The following STARD13 variants were observed in gnomAD, a reference collection of about 807,000 sequenced individuals.
STARD13 encodes StAR related lipid transfer domain containing 13, also known as stAR-related lipid transfer protein 13.
A neutral mutation model predicts 106.4 loss-of-function variants in STARD13; 62 were observed. The observed-to-expected ratio is 0.58, with a 90% CI of 0.48 to 0.72. The LOEUF (loss-of-function observed/expected upper bound fraction) is 0.72. STARD13 is among the 30% of genes least tolerant of loss of function. The pLI is 0.00. For synonymous variants in STARD13, 565 were observed against 553.0 expected (o/e 1.02, Z -0.31); for missense variants, 1,387 against 1,424.0 (o/e 0.97, Z 0.42).
intron 1 of STARD13, among the ~76,000 whole-genome samples, chr13:33,215,484 T>A (rs1246042375): frequency 6.6e-6 from 1 of 152,210 alleles, no homozygotes; most frequent in African/African-American, 2.4e-5. Flanking sequence ...CTGAAAACTT[T>A]TTTTACTCTG....
chr13:33,432,357 T>C, the STARD13 span, among the ~76,000 whole-genome samples: 1 of 152,018 alleles, frequency 6.6e-6, no homozygotes, highest in Non-Finnish European at 1.5e-5. Flanking sequence ...CTAGAAAAAT[T>C]ATGTGGAGTG....
chr13:33,183,075 A>C (rs1219350767), intron 1 of STARD13, among the ~76,000 whole-genome samples: 1 of 152,150 alleles, frequency 6.6e-6, no homozygotes, highest in Non-Finnish European at 1.5e-5. Context: ...TATCTCTATC[A>C]AGATTTAGCG....
the STARD13 span, among the ~76,000 whole-genome samples, chr13:33,466,075 T>C: frequency 6.6e-6 from 1 of 152,198 alleles, no homozygotes; most frequent in Admixed American, 6.5e-5. Context: ...CTACTTCATG[T>C]GGCTGGTATG....
the STARD13 span, among the ~76,000 whole-genome samples, chr13:33,427,356 T>C: frequency 1.3e-5 from 2 of 152,188 alleles, no homozygotes; most frequent in East Asian, 1.9e-4. Flanking sequence ...ATAAAAATAA[T>C]ATTTTGGATT....
the STARD13 span, among the ~76,000 whole-genome samples, chr13:33,639,618 A>G: frequency 6.6e-6 from 1 of 152,244 alleles, no homozygotes; most frequent in African/African-American, 2.4e-5. Flanking sequence ...AGTTTAGATT[A>G]ATGGTTTCTC....
chr13:33,318,721 TA>T (rs1305703429), intron 1 of STARD13, among the ~76,000 whole-genome samples: 2 of 151,078 alleles, frequency 1.3e-5, no homozygotes, highest in Non-Finnish European at 3.0e-5. Context: ...AAATCAATGA[TA>T]AAAAGACAAA....
At chr13:33,647,457 G>A in the STARD13 span, among the ~76,000 whole-genome samples, 2 of 152,150 alleles carry the variant, frequency 1.3e-5, no homozygotes, top group African/African-American at 4.8e-5. Context: ...GGTCAACAGA[G>A]GTCATTCAGC....
the STARD13 span, among the ~76,000 whole-genome samples, chr13:33,422,598 A>T: frequency 6.6e-6 from 1 of 152,204 alleles, no homozygotes; most frequent in African/African-American, 2.4e-5. Flanking sequence ...AAATTACTTT[A>T]AAGTTCATAT....
chr13:33,137,469 G>A (rs1458588617), intron 4 of STARD13, among the ~76,000 whole-genome samples: 1 of 151,994 alleles, frequency 6.6e-6, no homozygotes, highest in Admixed American at 6.6e-5. Flanking sequence ...AGAGCTAAAG[G>A]GCTTCTGAGT....
At chr13:33,666,747 CA>C in the STARD13 span, among the ~76,000 whole-genome samples, 1 of 152,114 alleles carries the variant, frequency 6.6e-6, no homozygotes, top group East Asian at 1.9e-4. Context: ...CCCACCACCA[CA>C]CCCGGCTAAT....
At chr13:33,436,994 AC>A in the STARD13 span, among the ~76,000 whole-genome samples, 1 of 152,068 alleles carries the variant, frequency 6.6e-6, no homozygotes, top group African/African-American at 2.4e-5. Context: ...CTTCAGTCTG[AC>A]TACCATATTC....
chr13:33,501,342 C>A, the STARD13 span, among the ~76,000 whole-genome samples: 2 of 152,052 alleles, frequency 1.3e-5, no homozygotes, highest in Non-Finnish European at 2.9e-5. Context: ...CCTCCCTATT[C>A]ACTCTGATGG....
the STARD13 span, chr13:33,524,146 A>T: frequency 1.8e-6 from 1 of 565,534 alleles, no homozygotes; most frequent in Non-Finnish European, 2.4e-6. Context: ...ATAATTTGTG[A>T]ACACAGTGCT....
intron 1 of STARD13, among the ~76,000 whole-genome samples, chr13:33,217,992 TACACAC>T (rs371803845): frequency 6.6e-6 from 1 of 151,318 alleles, no homozygotes; most frequent in African/African-American, 2.4e-5. Flanking sequence ...TACACACACA[TACACAC>T]ACACACACAA....
chr13:33,159,011 G>C (rs866948634), intron 3 of STARD13, among the ~76,000 whole-genome samples: 2 of 151,988 alleles, frequency 1.3e-5, no homozygotes, highest in African/African-American at 2.4e-5. Context: ...TTCTTGCTTC[G>C]TAATATTTTT....
At chr13:33,597,674 C>A in the STARD13 span, among the ~76,000 whole-genome samples, 1 of 150,758 alleles carries the variant, frequency 6.6e-6, no homozygotes, top group African/African-American at 2.4e-5. Flanking sequence ...GGAGAAACCC[C>A]ATCTCTACTA....
At chr13:33,411,434 A>G in the STARD13 span, among the ~76,000 whole-genome samples, 1 of 152,110 alleles carries the variant, frequency 6.6e-6, no homozygotes, top group East Asian at 1.9e-4. Context: ...GCTCAAATGC[A>G]TTTCTGCTAT....
chr13:33,525,077 G>A, the STARD13 span, among the ~76,000 whole-genome samples: 9 of 151,702 alleles, frequency 5.9e-5, no homozygotes, highest in Admixed American at 2.0e-4. Flanking sequence ...GCTGGAGTGC[G>A]GTGGCATGAT....
chr13:33,183,037 C>A (rs2138461726), intron 1 of STARD13, among the ~76,000 whole-genome samples: 1 of 152,330 alleles, frequency 6.6e-6, no homozygotes, highest in East Asian at 1.9e-4. Context: ...CATTCCTCTC[C>A]CTATTTACCT....
Sources: gnomAD v4.1 joint callset for allele counts (sites outside exome capture counted in the v4.1 genomes callset) on GRCh38, gnomAD v4.1.1 for gene constraint, MANE v1.5 for transcripts, NCBI Gene and HGNC (gene_info 2026-07-23, HGNC 2026-07-21) for gene names.